The following LRFN5 variants were observed in gnomAD, a reference collection of about 807,000 sequenced individuals.
LRFN5 encodes leucine rich repeat and fibronectin type III domain containing 5, also known as leucine-rich repeat and fibronectin type-III domain-containing protein 5.
Under a neutral mutation model 45.6 loss-of-function variants are expected in LRFN5, and 24 were observed. The observed-to-expected ratio is 0.53, with a 90% CI of 0.38 to 0.74. The LOEUF is 0.74. Among genes scored for constraint, LRFN5 ranks in the 30% least tolerant of loss-of-function variants. The pLI is 0.00. For missense variants in LRFN5, 776 were observed against 861.5 expected (o/e 0.90, Z 1.24); for synonymous variants, 340 against 313.8 (o/e 1.08, Z -0.88).
chr14:41,751,566 C>T (rs776252048), intron 1 of LRFN5, among the ~76,000 whole-genome samples: 2 of 151,958 alleles, frequency 1.3e-5, no homozygotes, highest in Non-Finnish European at 2.9e-5. Context: ...GTGATACATA[C>T]AATGTATCTG....
intron 2 of LRFN5, among the ~76,000 whole-genome samples, chr14:41,863,957 G>C (rs1348912818): frequency 6.6e-6 from 1 of 152,018 alleles, no homozygotes; most frequent in Non-Finnish European, 1.5e-5. Context: ...TCCTGTGTTA[G>C]TTTGCTGAGA....
In LRFN5 at chr14:41,736,905, A is replaced by C. The variant is rs181548286; in HGVS notation, c.-196-29949A>C. Among the ~76,000 whole-genome samples the C allele has an allele frequency of 9.6e-3, 1,458 of 152,238 alleles. 8 individuals carry two copies. The highest frequency in any genetic ancestry group is 0.014 in the East Asian group (73 of 5,182). ...CCCAGGACCAGACAGATTCACAGCCAAATTCTACCAGAGGTACAAAGAGGA... is the reference window on the plus strand; with the variant it reads ...CCCAGGACCAGACAGATTCACAGCCCAATTCTACCAGAGGTACAAAGAGGA... On this transcript the variant is annotated intron_variant, in intron 1 of 5. Coordinates refer to ENST00000298119, the MANE Select transcript of LRFN5 (RefSeq NM_152447.5).
At chr14:41,740,927 A>G (rs1177769340) in intron 1 of LRFN5, among the ~76,000 whole-genome samples, 1 of 152,054 alleles carries the variant, frequency 6.6e-6, no homozygotes, top group Non-Finnish European at 1.5e-5. Context: ...TCTATAAACT[A>G]ACAACAAACT....
chr14:41,845,611 A>G (rs1252681148), intron 2 of LRFN5, among the ~76,000 whole-genome samples: 1 of 152,138 alleles, frequency 6.6e-6, no homozygotes, highest in Non-Finnish European at 1.5e-5. Context: ...TAATTCTGAC[A>G]TATATAAATG....
intron 1 of LRFN5, among the ~76,000 whole-genome samples, chr14:41,660,063 G>T (rs941653763): frequency 6.6e-6 from 1 of 151,730 alleles, no homozygotes; most frequent in African/African-American, 2.4e-5. Flanking sequence ...TTTCTCCCTG[G>T]TTCCCAGGCT....
chr14:41,705,125 T>C (rs1164841473), intron 1 of LRFN5, among the ~76,000 whole-genome samples: 1 of 152,104 alleles, frequency 6.6e-6, no homozygotes, highest in African/African-American at 2.4e-5. Context: ...CAATTTTTCA[T>C]ATAAATTAAC....
At position 41,698,564 on chromosome 14, in the gene LRFN5, C is replaced by G. The variant is rs915666044; in HGVS notation, c.-196-68290C>G. The stretch of plus-strand genomic sequence containing the variant: ...CGGGTATCTATATGTTTAAAGCTCC[C>G]TAGGTGGTTCTCTTGTGCAGCCAAG... On this transcript the variant is annotated intron_variant, in intron 1 of 5. Coordinates refer to ENST00000298119, the MANE Select transcript of LRFN5 (RefSeq NM_152447.5). Among the ~76,000 whole-genome samples the G allele has an allele frequency of 3.9e-5, 6 of 151,924 alleles. No individual in the cohort carries two copies. In the East Asian group the frequency reaches 1.2e-3, roughly 29 times the overall value.
intron 1 of LRFN5, among the ~76,000 whole-genome samples, chr14:41,763,177 C>G (rs1226392583): frequency 1.3e-5 from 2 of 152,170 alleles, no homozygotes; most frequent in Non-Finnish European, 2.9e-5. Context: ...TGAGTACTTT[C>G]ACATACATTG....
At chr14:41,671,617 GTTTT>G (rs914212982) in intron 1 of LRFN5, among the ~76,000 whole-genome samples, 3 of 78,026 alleles carry the variant, frequency 3.8e-5, no homozygotes, top group East Asian at 4.4e-4. Context: ...TTTTTTTTTC[GTTTT>G]TTTTTTTTTT....
chr14:41,813,725 G>A (rs1887818561), intron 2 of LRFN5, among the ~76,000 whole-genome samples: 1 of 152,182 alleles, frequency 6.6e-6, no homozygotes, highest in Non-Finnish European at 1.5e-5. Context: ...GGATGGCTGG[G>A]TCAAATGATA....
intron 1 of LRFN5, among the ~76,000 whole-genome samples, chr14:41,732,067 G>T (rs534047466): frequency 6.6e-6 from 1 of 152,282 alleles, no homozygotes; most frequent in South Asian, 2.1e-4. Context: ...TTGAAGTCTT[G>T]AAACTTCTGA....
chr14:41,653,624 T>C (rs1880234986), intron 1 of LRFN5, among the ~76,000 whole-genome samples: 2 of 152,174 alleles, frequency 1.3e-5, no homozygotes, highest in South Asian at 4.1e-4. Flanking sequence ...GTTTAGATTT[T>C]ATTTTAAGTA....
chr14:41,613,955 A>G (rs1055303039), intron 1 of LRFN5, among the ~76,000 whole-genome samples: 3 of 151,976 alleles, frequency 2.0e-5, no homozygotes, highest in Non-Finnish European at 4.4e-5. Flanking sequence ...TAGGTTTTCC[A>G]TGGATTTTAG....
chr14:41,681,685 A>C (rs1348755168), intron 1 of LRFN5, among the ~76,000 whole-genome samples: 1 of 152,144 alleles, frequency 6.6e-6, no homozygotes, highest in African/African-American at 2.4e-5. Flanking sequence ...ATGAGCAATA[A>C]GAAATCATCT....
chr14:41,735,216 T>C (rs1482671997), intron 1 of LRFN5, among the ~76,000 whole-genome samples: 1 of 152,170 alleles, frequency 6.6e-6, no homozygotes, highest in East Asian at 1.9e-4. Context: ...ATAAATTCCT[T>C]TGGGTTTTGT....
At chr14:41,882,846 CTTTTTTT>C (rs71105409) in intron 2 of LRFN5, among the ~76,000 whole-genome samples, 3 of 107,286 alleles carry the variant, frequency 2.8e-5, no homozygotes, top group South Asian at 3.3e-4. Flanking sequence ...TGTATTTCCT[CTTTTTTT>C]TTTTTTTTTT....
At chr14:41,865,160 C>A (rs545792341) in intron 2 of LRFN5, among the ~76,000 whole-genome samples, 1 of 152,100 alleles carries the variant, frequency 6.6e-6, no homozygotes, top group East Asian at 1.9e-4. Context: ...GTTGTGCCAC[C>A]ATTACCATAA....
At chr14:41,680,258 C>A (rs917801874) in intron 1 of LRFN5, among the ~76,000 whole-genome samples, 27 of 152,190 alleles carry the variant, frequency 1.8e-4, no homozygotes, top group African/African-American at 6.5e-4. Flanking sequence ...GACCTATGGC[C>A]TTGAACAAAC....
chr14:41,691,779 C>T (rs928315094), intron 1 of LRFN5, among the ~76,000 whole-genome samples: 1 of 152,008 alleles, frequency 6.6e-6, no homozygotes, highest in African/African-American at 2.4e-5. Flanking sequence ...TTACTATTCC[C>T]AGAGACTAAT....
Sources: allele counts gnomAD v4.1 joint callset (sites outside exome capture counted in the v4.1 genomes callset), GRCh38; gene constraint gnomAD v4.1.1; transcripts MANE v1.5; gene names NCBI Gene and HGNC (gene_info 2026-07-23, HGNC 2026-07-21).